Variants in OSBP observed in about 807,000 individuals in gnomAD.
OSBP encodes oxysterol binding protein, also known as oxysterol-binding protein 1.
A neutral mutation model predicts 96.6 loss-of-function variants in OSBP; 32 were observed. The observed-to-expected ratio is 0.33, with a 90% CI of 0.25 to 0.45. The LOEUF is 0.45. Among genes scored for constraint, OSBP ranks in the 20% least tolerant of loss-of-function variants. OSBP has a pLI of 1.00. For missense variants in OSBP, 653 were observed against 1,029.7 expected (o/e 0.63, Z 5.01); for synonymous variants, 369 against 389.6 (o/e 0.95, Z 0.62).
At chr11:59,587,781 GAATAT>G (rs1860519609) in intron 9 of OSBP, among the ~76,000 whole-genome samples, 1 of 152,218 alleles carries the variant, frequency 6.6e-6, no homozygotes, top group Non-Finnish European at 1.5e-5. Context: ...AAAAAACTAA[GAATAT>G]AATTGCCATG....
rs1022466665 is a variant in OSBP, at chr11:59,594,361, G to T, written c.1312-106C>A. The stretch of plus-strand genomic sequence containing the variant: ...TAAATCACTGGGAAAAGAGGGCTTT[G>T]CTCAGTAGAGCGGCTCTAATATTTA... On this transcript the variant is annotated intron_variant, in intron 7 of 13. Coordinates refer to ENST00000263847, the MANE Select transcript of OSBP (RefSeq NM_002556.3). The T allele has an allele frequency of 1.0e-5, 11 of 1,054,400 alleles. No homozygotes were observed. The Admixed American group carries it at 2.2e-4, about 21-fold the overall frequency. 65.3% of individuals were successfully genotyped at this position (1,054,400 alleles called of 1,614,324 possible). A position where few individuals can be genotyped will look rare whatever the true frequency, so the allele number is the denominator to read the frequency against.
Position 59,575,095 on chromosome 11 carries a change from A to G in OSBP, c.*1482T>C, listed in dbSNP as rs1860345097. 1 of 152,236 alleles carries G rather than the reference A, an allele frequency of 6.6e-6. No individual in the cohort carries two copies. The highest frequency in any genetic ancestry group is 1.5e-5 in the Non-Finnish European group (1 of 68,102). 9.4% of individuals were successfully genotyped at this position (152,236 alleles called of 1,614,324 possible). ...GGAGCAATTATCTGATCCACCCCAC[A>G]TGACGGTGCTTTAAGCCCCACATCC... On this transcript the variant is annotated 3_prime_UTR_variant, in exon 14 of 14. Coordinates refer to ENST00000263847, the MANE Select transcript of OSBP (RefSeq NM_002556.3).
intron 11 of OSBP, 150 bp from the exon 12 acceptor site, chr11:59,578,480 T>C (rs1055740491): frequency 2.0e-5 from 15 of 752,198 alleles, no homozygotes; most frequent in East Asian, 8.0e-5. Flanking sequence ...AGATGGGATC[T>C]TGCTCTGTTG....
At chr11:59,581,591 G>A (rs750673960) in intron 9 of OSBP, 37 bp from the exon 10 acceptor site, 1 of 1,236,184 alleles carries the variant, frequency 8.1e-7, no homozygotes, top group South Asian at 1.2e-5. Flanking sequence ...TAAGCCAAAT[G>A]TCAGAAAAAT....
chr11:59,600,119 G>A (rs1860703257), intron 7 of OSBP, among the ~76,000 whole-genome samples: 2 of 151,988 alleles, frequency 1.3e-5, no homozygotes, highest in Admixed American at 6.6e-5. Context: ...TGTCTGTGTC[G>A]TACTTTCCAT....
intron 7 of OSBP, among the ~76,000 whole-genome samples, chr11:59,599,491 T>C (rs922653103): frequency 3.7e-4 from 56 of 151,704 alleles, no homozygotes; most frequent in African/African-American, 1.4e-3. Context: ...ATATCTTCTA[T>C]ACCTAACTGA....
intron 9 of OSBP, among the ~76,000 whole-genome samples, chr11:59,592,267 C>G (rs1413153740): frequency 6.6e-6 from 1 of 152,226 alleles, no homozygotes; most frequent in Non-Finnish European, 1.5e-5. Context: ...GTTTAGGGAC[C>G]TTCTGCATAT....
At chr11:59,600,699 C>A in intron 6 of OSBP, 72 bp from the exon 7 acceptor site, 1 of 1,575,700 alleles carries the variant, frequency 6.3e-7, no homozygotes, top group East Asian at 2.2e-5. Context: ...CTTCCCTTCC[C>A]CCGTGCTAAA....
intron 2 of OSBP, 81 bp downstream of exon 2, chr11:59,610,300 C>A: frequency 3.5e-6 from 4 of 1,158,630 alleles, no homozygotes; most frequent in South Asian, 1.2e-5. Context: ...TCAAATGACA[C>A]AGCATAATGA....
rs1469252372 is a variant in OSBP at position 59,575,301 on chromosome 11, G to A, written c.*1276C>T. 1 of 152,198 alleles carries A rather than the reference G, an allele frequency of 6.6e-6. No individual in the cohort carries two copies. Among genetic ancestry groups the A allele is most frequent in the Non-Finnish European group, 1.5e-5 (1 of 68,032 alleles). The allele number at this position is 152,198 out of a possible 1,614,324, so 9.4% of individuals were successfully genotyped here. On this transcript the variant is annotated 3_prime_UTR_variant, in exon 14 of 14. Transcript: ENST00000263847. ...TTAGGAGAGCAGAGTTTAGACAGCA[G>A]TAGGCACCCCATGATACAAACCATG...
intron 11 of OSBP, among the ~76,000 whole-genome samples, chr11:59,579,361 T>C (rs1367348202): frequency 2.6e-5 from 4 of 151,422 alleles, no homozygotes; most frequent in Admixed American, 2.6e-4. Context: ...GAGACGGCGT[T>C]TCTCTCTTGC....
intron 9 of OSBP, among the ~76,000 whole-genome samples, chr11:59,582,567 G>C (rs1023130568): frequency 7.2e-5 from 11 of 152,288 alleles, no homozygotes; most frequent in African/African-American, 2.4e-4. Flanking sequence ...ATGATAAGTA[G>C]AGCACTTTCC....
In OSBP at chr11:59,615,591, G is replaced by GCGC. The variant is rs1165081864; in HGVS notation, c.71_73dup (p.Gly24dup). 16 of 1,374,794 alleles carry GCGC rather than the reference G, an allele frequency of 1.2e-5. No homozygotes were observed. Among genetic ancestry groups the GCGC allele is most frequent in the Middle Eastern group, 5.3e-4 (2 of 3,800 alleles). The allele number at this position is 1,374,794 out of a possible 1,614,324, so 85.2% of individuals were successfully genotyped here. A position where few individuals can be genotyped will look rare whatever the true frequency, so the allele number is the denominator to read the frequency against. On this transcript the variant is annotated inframe_insertion, in exon 1 of 14. Coordinates refer to ENST00000263847, the MANE Select transcript of OSBP (RefSeq NM_002556.3). ...GCCTCCTCCCACCACTGGGGGACCG[G>GCGC]CGCCGCCGCCGCCAAGTGCTGCAAT...
intron 1 of OSBP, among the ~76,000 whole-genome samples, chr11:59,613,126 T>TA (rs1860872616): frequency 1.3e-5 from 2 of 152,110 alleles, no homozygotes; most frequent in African/African-American, 4.8e-5. Context: ...CAGGAAAAAA[T>TA]AAACTGCCAG....
At chr11:59,610,629 A>C in intron 1 of OSBP, 40 bp from the exon 2 acceptor site, 7 of 1,494,300 alleles carry the variant, frequency 4.7e-6, no homozygotes, top group Non-Finnish European at 5.6e-6. Context: ...CAGAAAGTTG[A>C]CGGTTTATCC....
chr11:59,581,280 A>G (rs1219241282), intron 10 of OSBP, among the ~76,000 whole-genome samples, 171 bp downstream of exon 10: 1 of 152,222 alleles, frequency 6.6e-6, no homozygotes, highest in East Asian at 1.9e-4. Context: ...TGTGGTACAG[A>G]AAACTTAGAG....
At chr11:59,609,184 C>T in intron 2 of OSBP, among the ~76,000 whole-genome samples, 1 of 152,172 alleles carries the variant, frequency 6.6e-6, no homozygotes, top group East Asian at 1.9e-4. Context: ...ACTCCACTAT[C>T]ATCTGATAGG....
Position 59,601,674 on chromosome 11 carries a change from C to T in OSBP, c.987G>A (p.Pro329=), listed in dbSNP as rs771839295. ...AACCCACATTGCCAGGAGTGTTTGC[C>T]GGCAGCACCGTGGCTCCTCGGAAGG... ...ERAFRGATVL[P]ANTPGNVGSG... Residue 329 remains proline (P), a synonymous_variant, in exon 4 of 14, where the codon CCG becomes CCA. Coordinates refer to ENST00000263847, the MANE Select transcript of OSBP (RefSeq NM_002556.3). The T allele has an allele frequency of 3.7e-6, 6 of 1,612,910 alleles. No individual in the cohort carries two copies. The highest frequency in any genetic ancestry group is 1.7e-5 in the Admixed American group (1 of 60,002).
At position 59,615,608 on chromosome 11, in the gene OSBP, T is replaced by G; in HGVS notation, c.57A>C (p.Ala19=). The change falls in exon 1 of 14, where the codon GCA becomes GCC. Residue 19 remains alanine, a synonymous_variant. Coordinates refer to ENST00000263847, the MANE Select transcript of OSBP (RefSeq NM_002556.3). ...GGGGACCGGCGCCGCCGCCGCCAAG[T>G]GCTGCAATGGCTGCCGGGCCTGGCC... ...VVGPGPAAIA[A]LGGGGAGPPV... is the part of the protein sequence containing the mutation. 1.5e-6 allele frequency: 2 copies of G among 1,379,170 alleles called. No individual in the cohort carries two copies. Among genetic ancestry groups the G allele is most frequent in the South Asian group, 3.2e-5 (2 of 62,988 alleles). The allele number at this position is 1,379,170 out of a possible 1,614,324, so 85.4% of individuals were successfully genotyped here.
Sources: gnomAD v4.1 joint callset for allele counts (sites outside exome capture counted in the v4.1 genomes callset) on GRCh38, gnomAD v4.1.1 for gene constraint, MANE v1.5 for transcripts, NCBI Gene and HGNC (gene_info 2026-07-23, HGNC 2026-07-21) for gene names.